Variants in SOX6 observed in about 807,000 individuals in gnomAD.
SOX6 encodes the protein transcription factor SOX-6.
A neutral mutation model predicts 97.8 loss-of-function variants in SOX6; 11 were observed. The observed-to-expected ratio is 0.11, with a 90% CI of 0.07 to 0.19. The LOEUF (loss-of-function observed/expected upper bound fraction) is 0.19. SOX6 is among the 10% of genes least tolerant of loss of function. The pLI is 1.00. For missense variants in SOX6, 810 were observed against 1,039.5 expected (o/e 0.78, Z 3.04); for synonymous variants, 360 against 371.4 (o/e 0.97, Z 0.35).
In SOX6 at chr11:16,049,868, G is replaced by C. The variant is rs756375984; in HGVS notation, c.1322C>G (p.Thr441Arg). ...TGGGAAGAGGTTCTGGGTGGGAGACGTTGGGGACTTTACAGGCTCTGCTGT... is the reference window on the plus strand; with the variant it reads ...TGGGAAGAGGTTCTGGGTGGGAGACCTTGGGGACTTTACAGGCTCTGCTGT... ...PKTAEPVKSP[T>R]SPTQNLFPAS... Residue 441 changes from threonine (T) to arginine (R), a missense_variant, in exon 11 of 16, where the codon ACG (threonine) becomes AGG (arginine). Thr to Arg is a moderately conservative substitution (Grantham distance 71). Around this residue, in one of 9 missense-constraint regions of SOX6, gnomAD observed 244 missense variants for 261.0 expected, o/e 0.93. Transcript: ENST00000683767. 2 of 1,613,820 alleles carry C rather than the reference G, an allele frequency of 1.2e-6. No individual in the cohort carries two copies. The highest frequency in any genetic ancestry group is 2.2e-5 in the East Asian group (1 of 44,866).
intron 12 of SOX6, among the ~76,000 whole-genome samples, chr11:16,042,056 T>C (rs778897737): frequency 7.9e-5 from 12 of 152,312 alleles, no homozygotes; most frequent in Non-Finnish European, 1.6e-4. Flanking sequence ...GCTGTACATA[T>C]GCTTTTCTTC....
chr11:16,054,317 G>A (rs1246331891), intron 10 of SOX6, among the ~76,000 whole-genome samples: 1 of 151,996 alleles, frequency 6.6e-6, no homozygotes, highest in Non-Finnish European at 1.5e-5. Context: ...TCTTTGAGTT[G>A]GAGTGTTCTC....
At chr11:16,593,812 G>GT (rs1848180532) in intron 4 of SOX6, among the ~76,000 whole-genome samples, 1 of 152,076 alleles carries the variant, frequency 6.6e-6, no homozygotes, top group South Asian at 2.1e-4. Flanking sequence ...TAAATAAATT[G>GT]TAAATGGTAG....
At chr11:16,017,386 A>C (rs1436256203) in intron 12 of SOX6, among the ~76,000 whole-genome samples, 1 of 152,084 alleles carries the variant, frequency 6.6e-6, no homozygotes, top group Non-Finnish European at 1.5e-5. Flanking sequence ...TAAATCAATG[A>C]TAGAAATTGT....
intron 3 of SOX6, among the ~76,000 whole-genome samples, chr11:16,654,284 T>C (rs549319992): frequency 6.0e-4 from 91 of 152,270 alleles, no homozygotes; most frequent in African/African-American, 2.1e-3. Context: ...TCTTCCCACC[T>C]GAGCCTCCCA....
chr11:16,044,307 C>A (rs995013722), intron 12 of SOX6, among the ~76,000 whole-genome samples: 8 of 152,078 alleles, frequency 5.3e-5, no homozygotes, highest in African/African-American at 1.2e-4. Context: ...AAAAAATTAC[C>A]TACAACTGTA....
intron 12 of SOX6, among the ~76,000 whole-genome samples, chr11:16,039,812 A>G (rs960285255): frequency 2.0e-5 from 3 of 152,052 alleles, no homozygotes; most frequent in African/African-American, 7.2e-5. Flanking sequence ...ATTTAATAAG[A>G]CAAATATTGG....
At chr11:16,254,290 C>T (rs1001946983) in intron 3 of SOX6, among the ~76,000 whole-genome samples, 1 of 151,932 alleles carries the variant, frequency 6.6e-6, no homozygotes, top group East Asian at 1.9e-4. Flanking sequence ...TAAAAGAAAA[C>T]TCTATTTTCT....
intron 3 of SOX6, among the ~76,000 whole-genome samples, chr11:16,628,575 A>G (rs1848658261): frequency 6.6e-6 from 1 of 150,492 alleles, no homozygotes; most frequent in African/African-American, 2.4e-5. Flanking sequence ...GTGAGCCGAG[A>G]TCACACCACT....
At chr11:16,342,141 GACA>G (rs1299274590) in intron 1 of SOX6, among the ~76,000 whole-genome samples, 1 of 151,862 alleles carries the variant, frequency 6.6e-6, no homozygotes, top group Admixed American at 6.6e-5. Context: ...CACGCTACAT[GACA>G]ACGTCTCCAT....
chr11:16,478,530 G>A (rs576093003), upstream of SOX6, among the ~76,000 whole-genome samples: 21 of 152,242 alleles, frequency 1.4e-4, no homozygotes, highest in African/African-American at 5.1e-4. Context: ...CAGTCCAGTC[G>A]TGCTACATAT....
chr11:16,221,774 A>G (rs12800654), intron 4 of SOX6, among the ~76,000 whole-genome samples: 12,039 of 152,224 alleles, frequency 0.079, 663 homozygotes, highest in South Asian at 0.17. Context: ...ATATTAATGA[A>G]TGCAATTTTC....
intron 4 of SOX6, among the ~76,000 whole-genome samples, chr11:16,225,746 GA>G (rs1852670648): frequency 6.6e-6 from 1 of 152,098 alleles, no homozygotes; most frequent in Non-Finnish European, 1.5e-5. Flanking sequence ...ATCATGCAGT[GA>G]AAAAAACCAT....
intron 3 of SOX6, chr11:16,314,135 G>T (rs1287023902): frequency 6.6e-6 from 1 of 152,080 alleles, no homozygotes; most frequent in African/African-American, 2.4e-5. Flanking sequence ...TCAATATAAA[G>T]TTCAAACTCC....
chr11:16,029,460 A>G (rs899298371), intron 12 of SOX6, among the ~76,000 whole-genome samples: 1 of 151,698 alleles, frequency 6.6e-6, no homozygotes, highest in African/African-American at 2.4e-5. Context: ...AGATGGTGAA[A>G]CCCCATCTCT....
chr11:16,195,655 C>A (rs1565011935), intron 4 of SOX6, among the ~76,000 whole-genome samples: 1 of 152,168 alleles, frequency 6.6e-6, no homozygotes, highest in East Asian at 1.9e-4. Context: ...GCCTGGCAGA[C>A]CAGATTCTCT....
intron 15 of SOX6, among the ~76,000 whole-genome samples, chr11:15,974,565 A>T (rs1362607971): frequency 2.5e-4 from 26 of 103,572 alleles, no homozygotes; most frequent in African/African-American, 9.7e-4. Flanking sequence ...CACAGTCCCC[A>T]GAGTGTGATA....
At chr11:16,694,412 A>G (rs1848037767) in intron 3 of SOX6, among the ~76,000 whole-genome samples, 1 of 152,126 alleles carries the variant, frequency 6.6e-6, no homozygotes, top group Non-Finnish European at 1.5e-5. Context: ...AGCCCCAGCT[A>G]TTCAGGAGGC....
chr11:16,585,681 C>T (rs867264734), intron 4 of SOX6, among the ~76,000 whole-genome samples: 41 of 108,318 alleles, frequency 3.8e-4, no homozygotes, highest in Middle Eastern at 5.7e-3. Context: ...TTTTTTTTTA[C>T]TTTTTTTTTT....
Sources: gnomAD v4.1 joint callset for allele counts (sites outside exome capture counted in the v4.1 genomes callset) on GRCh38, gnomAD v4.1.1 for gene constraint, gnomAD v4.1.1 regional missense constraint, MANE v1.5 for transcripts, NCBI Gene and HGNC (gene_info 2026-07-23, HGNC 2026-07-21) for gene names.